Variants in EPC2 observed in about 807,000 individuals in gnomAD.
EPC2 encodes the protein enhancer of polycomb 2, also known as enhancer of polycomb homolog 2.
Under a neutral mutation model 92.1 loss-of-function variants are expected in EPC2, and 14 were observed. That is an observed-to-expected ratio of 0.15 (90% confidence interval 0.10 to 0.24). EPC2 has a LOEUF of 0.24. EPC2 is among the 10% of genes least tolerant of loss of function. The pLI is 1.00. For missense variants in EPC2, 755 were observed against 971.5 expected, an observed-to-expected ratio of 0.78 and a Z score of 2.96; for synonymous variants, 340 against 334.7, an observed-to-expected ratio of 1.02 and a Z score of -0.17.
intron 1 of EPC2, among the ~76,000 whole-genome samples, chr2:148,665,324 T>TTTAA (rs1279386481): frequency 6.6e-6 from 1 of 152,236 alleles, no homozygotes; most frequent in African/African-American, 2.4e-5. Flanking sequence ...CAACTAATGT[T>TTTAA]TTTAAAAGTC....
intron 2 of EPC2, among the ~76,000 whole-genome samples, chr2:148,702,236 C>T (rs982112560): frequency 6.6e-6 from 1 of 152,026 alleles, no homozygotes; most frequent in African/African-American, 2.4e-5. Flanking sequence ...CTTTATTTGT[C>T]ATTTCAGCAA....
At chr2:148,646,791 T>C (rs1280132597) in intron 1 of EPC2, among the ~76,000 whole-genome samples, 3 of 152,154 alleles carry the variant, frequency 2.0e-5, no homozygotes, top group Admixed American at 6.5e-5. Flanking sequence ...GTAATTACTT[T>C]GATCCTATTA....
intron 10 of EPC2, among the ~76,000 whole-genome samples, chr2:148,774,090 A>G (rs1683576394): frequency 6.6e-6 from 1 of 152,310 alleles, no homozygotes; most frequent in African/African-American, 2.4e-5. Context: ...CACTGAGCTA[A>G]ACAGATTATT....
At chr2:148,680,800 A>G (rs1488365692) in intron 1 of EPC2, among the ~76,000 whole-genome samples, 1 of 152,248 alleles carries the variant, frequency 6.6e-6, no homozygotes, top group Non-Finnish European at 1.5e-5. Context: ...GAGTGAGAAG[A>G]TATGTGTGAA....
intron 12 of EPC2, 110 bp from the exon 13 acceptor site, chr2:148,784,558 A>T: frequency 1.2e-6 from 1 of 834,506 alleles, no homozygotes; most frequent in East Asian, 2.6e-5. Flanking sequence ...GTGAAAAGTT[A>T]ACTTGGCATT....
At chr2:148,669,684 G>A (rs182624885) in intron 1 of EPC2, among the ~76,000 whole-genome samples, 29 of 152,244 alleles carry the variant, frequency 1.9e-4, no homozygotes, top group Admixed American at 7.2e-4. Context: ...GTGCCTGTTC[G>A]TAGCAAGACT....
intron 2 of EPC2, among the ~76,000 whole-genome samples, chr2:148,693,608 G>A (rs1485975148): frequency 2.0e-5 from 3 of 152,010 alleles, no homozygotes; most frequent in African/African-American, 7.2e-5. Context: ...CGCGATCAGG[G>A]GCTCCATCTT....
intron 1 of EPC2, among the ~76,000 whole-genome samples, chr2:148,679,251 A>G (rs1681341050): frequency 6.6e-6 from 1 of 152,192 alleles, no homozygotes; most frequent in African/African-American, 2.4e-5. Context: ...TCATCTTTAT[A>G]CTAACACTCT....
At chr2:148,751,656 T>G (rs1558829563) in intron 3 of EPC2, among the ~76,000 whole-genome samples, 1 of 152,032 alleles carries the variant, frequency 6.6e-6, no homozygotes, top group Non-Finnish European at 1.5e-5. Flanking sequence ...ATGACAGAAC[T>G]TTTTTTATAC....
intron 2 of EPC2, among the ~76,000 whole-genome samples, chr2:148,734,236 C>G (rs1198099306): frequency 6.6e-6 from 1 of 151,864 alleles, no homozygotes; most frequent in Non-Finnish European, 1.5e-5. Context: ...CATTGAAGCC[C>G]TAGTGACTTT....
At chr2:148,736,159 A>G (rs1269320000) in intron 2 of EPC2, among the ~76,000 whole-genome samples, 1 of 152,212 alleles carries the variant, frequency 6.6e-6, no homozygotes, top group Non-Finnish European at 1.5e-5. Flanking sequence ...ACAATGAAAA[A>G]TTATATACTT....
In EPC2 at chr2:148,762,763, T is replaced by A; in HGVS notation, c.909T>A (p.His303Gln). The change falls in exon 6 of 14, where the codon CAT (histidine) becomes CAA (glutamine). Residue 303 changes from histidine to glutamine, a missense_variant. By Grantham distance (24) the His-to-Gln change is conservative. Transcript: ENST00000258484. ...KELYATPATL[H>Q]NGNHHKVQEC... The stretch of plus-strand genomic sequence containing the variant: ...TATATGCCACTCCAGCAACTCTTCA[T>A]AATGGAAATCATCACAAAGTTCAAG... The A allele has an allele frequency of 6.2e-7, 1 of 1,609,970 alleles. No homozygotes were observed. The highest frequency in any genetic ancestry group is 2.2e-5 in the East Asian group (1 of 44,684).
intron 1 of EPC2, among the ~76,000 whole-genome samples, chr2:148,653,970 C>T (rs1250962800): frequency 7.4e-6 from 1 of 135,076 alleles, no homozygotes; most frequent in African/African-American, 2.8e-5. Flanking sequence ...TTTTTGGAGA[C>T]AGGGTCTTGC....
chr2:148,749,414 C>G (rs1683045212), intron 3 of EPC2, among the ~76,000 whole-genome samples: 1 of 151,654 alleles, frequency 6.6e-6, no homozygotes, highest in East Asian at 1.9e-4. Flanking sequence ...TGTTCTCAAC[C>G]TTCATTGTAC....
chr2:148,780,564 G>A (rs1017792605), intron 10 of EPC2, among the ~76,000 whole-genome samples: 2 of 152,072 alleles, frequency 1.3e-5, no homozygotes, highest in Non-Finnish European at 2.9e-5. Flanking sequence ...TCATTAATTG[G>A]TATTTCTTAT....
rs752743680 is a variant in EPC2 at position 148,762,796 on chromosome 2, A to G, written c.942A>G (p.Lys314=). The G allele has an allele frequency of 7.5e-6, 12 of 1,603,298 alleles. No individual in the cohort carries two copies. In the Admixed American group the frequency reaches 1.9e-4, roughly 25 times the overall value. Residue 314 remains lysine, a synonymous_variant, in exon 6 of 14, where the codon AAA becomes AAG. Transcript: ENST00000258484. ...ATCATCACAAAGTTCAAGAATGTAA[A>G]ACTAAGGTGAATATTGTCTGGGAAG... ...NGNHHKVQEC[K]TKHPHHLSLK...
chr2:148,723,654 T>C (rs967558847), intron 2 of EPC2, among the ~76,000 whole-genome samples: 1 of 152,226 alleles, frequency 6.6e-6, no homozygotes, highest in Admixed American at 6.5e-5. Flanking sequence ...TCTAAGTTTC[T>C]TCTAAGTTTC....
intron 2 of EPC2, among the ~76,000 whole-genome samples, chr2:148,699,154 T>C (rs1229927551): frequency 6.6e-6 from 1 of 152,170 alleles, no homozygotes; most frequent in African/African-American, 2.4e-5. Flanking sequence ...ATTTTAGGCT[T>C]TTTAAAAAAC....
intron 2 of EPC2, among the ~76,000 whole-genome samples, chr2:148,722,725 A>G (rs1018525197): frequency 1.1e-4 from 17 of 152,230 alleles, no homozygotes; most frequent in Non-Finnish European, 2.4e-4. Flanking sequence ...ATCCACATGT[A>G]TGTTCATTGC....
Sources: allele counts gnomAD v4.1 joint callset (sites outside exome capture counted in the v4.1 genomes callset), GRCh38; gene constraint gnomAD v4.1.1; transcripts MANE v1.5; gene names NCBI Gene and HGNC (gene_info 2026-07-23, HGNC 2026-07-21).